IGSF11: variants seen among roughly 807,000 people sequenced by gnomAD.
IGSF11 encodes the protein CXADR like 1.
IGSF11 carries 22 observed loss-of-function variants against 41.0 expected under a neutral mutation model. The observed-to-expected ratio is 0.54, with a 90% CI of 0.38 to 0.77. The LOEUF (loss-of-function observed/expected upper bound fraction) is 0.77. IGSF11 is among the 30% of genes least tolerant of loss of function. The probability of loss-of-function intolerance (pLI) is 0.00; values close to 1 mark genes in which losing one functional copy is unlikely to be tolerated. For missense variants in IGSF11, 444 were observed against 530.8 expected (o/e 0.84, Z 1.61); for synonymous variants, 219 against 201.3 (o/e 1.09, Z -0.74).
chr3:118,984,710 G>T (rs1025778979), intron 1 of IGSF11, among the ~76,000 whole-genome samples: 2 of 151,968 alleles, frequency 1.3e-5, no homozygotes, highest in Non-Finnish European at 2.9e-5. Context: ...AGAAAGTAAA[G>T]GAATAAATCA....
chr3:119,014,318 CAGGCA>C (rs1241403731), intron 1 of IGSF11, among the ~76,000 whole-genome samples: 19 of 152,296 alleles, frequency 1.2e-4, no homozygotes, highest in African/African-American at 4.6e-4. Flanking sequence ...AAGGTAGCTA[CAGGCA>C]ATGTATCCAA....
intron 1 of IGSF11, among the ~76,000 whole-genome samples, chr3:119,072,060 T>C (rs1475562342): frequency 1.3e-5 from 2 of 152,200 alleles, no homozygotes; most frequent in African/African-American, 2.4e-5. Context: ...TAGGAGAATA[T>C]TCCAAGAAAA....
intron 1 of IGSF11, among the ~76,000 whole-genome samples, chr3:119,143,762 G>T (rs2077680135): frequency 6.6e-6 from 1 of 151,984 alleles, no homozygotes; most frequent in Non-Finnish European, 1.5e-5. Flanking sequence ...ATACAACTAG[G>T]GAAAAAGATA....
chr3:119,033,283 G>C (rs947809942), intron 1 of IGSF11, among the ~76,000 whole-genome samples: 1 of 152,086 alleles, frequency 6.6e-6, no homozygotes, highest in African/African-American at 2.4e-5. Context: ...ATAAAAAGCC[G>C]ATTTACTCTC....
intron 1 of IGSF11, among the ~76,000 whole-genome samples, chr3:119,053,919 G>A (rs1393497490): frequency 6.6e-6 from 1 of 152,082 alleles, no homozygotes; most frequent in Non-Finnish European, 1.5e-5. Flanking sequence ...AGTGGGGAAA[G>A]GACCCCCTAT....
chr3:118,941,499 ACTCT>A (rs1449658841), intron 1 of IGSF11, among the ~76,000 whole-genome samples: 1 of 152,172 alleles, frequency 6.6e-6, no homozygotes, highest in Non-Finnish European at 1.5e-5. Context: ...AGAACAACTA[ACTCT>A]CATACATTTC....
At chr3:118,909,739 T>C (rs1400643448) in intron 4 of IGSF11, among the ~76,000 whole-genome samples, 1 of 152,256 alleles carries the variant, frequency 6.6e-6, no homozygotes, top group Non-Finnish European at 1.5e-5. Context: ...GCCCTGATTT[T>C]GGTTTGGCAT....
intron 4 of IGSF11, among the ~76,000 whole-genome samples, chr3:118,923,860 A>G (rs1378631195): frequency 6.6e-6 from 1 of 152,214 alleles, no homozygotes; most frequent in Non-Finnish European, 1.5e-5. Flanking sequence ...GGTACGTGAT[A>G]GCAGTTTGTC....
intron 1 of IGSF11, among the ~76,000 whole-genome samples, chr3:119,095,886 T>G (rs2076841301): frequency 6.6e-6 from 1 of 152,212 alleles, no homozygotes. Context: ...GCTTTCATTC[T>G]TGGTATACCC....
chr3:119,080,738 C>A (rs2076573154), intron 1 of IGSF11, among the ~76,000 whole-genome samples: 2 of 152,036 alleles, frequency 1.3e-5, no homozygotes, highest in South Asian at 2.1e-4. Flanking sequence ...AAGAAAGAAC[C>A]AAAGAGCACA....
chr3:119,044,701 G>C (rs773534033), intron 1 of IGSF11, among the ~76,000 whole-genome samples: 23 of 152,200 alleles, frequency 1.5e-4, no homozygotes, highest in Admixed American at 2.6e-4. Context: ...AAAGCTATCA[G>C]ACTAACACCA....
At chr3:119,113,014 C>G (rs1277533060) in intron 1 of IGSF11, among the ~76,000 whole-genome samples, 1 of 152,160 alleles carries the variant, frequency 6.6e-6, no homozygotes, top group Admixed American at 6.5e-5. Flanking sequence ...AGGTGCTACA[C>G]ACTTTTAAAC....
In IGSF11 at chr3:119,008,268, T is replaced by C. The variant is rs533599097; in HGVS notation, c.52+26263A>G. 2.6e-5 allele frequency among the ~76,000 whole-genome samples: 4 copies of C among 152,326 alleles called. No homozygotes were observed. In the South Asian group the frequency reaches 6.2e-4, roughly 24 times the overall value. ...TCTAAAATAGAAGTCAACGGGAATA[T>C]ACCAAGAGATCATCCAAAACCCATT... On this transcript the variant is annotated intron_variant, in intron 1 of 6. Coordinates refer to ENST00000393775, the MANE Select transcript of IGSF11 (RefSeq NM_001015887.3).
At chr3:118,938,554 G>A (rs1943452514) in intron 1 of IGSF11, among the ~76,000 whole-genome samples, 1 of 152,200 alleles carries the variant, frequency 6.6e-6, no homozygotes, top group South Asian at 2.1e-4. Context: ...AGGCTTTGCA[G>A]TGTTATGATG....
At chr3:119,072,616 T>C (rs2076418227) in intron 1 of IGSF11, among the ~76,000 whole-genome samples, 6 of 152,150 alleles carry the variant, frequency 3.9e-5, no homozygotes, top group Admixed American at 3.9e-4. Flanking sequence ...TCGTGGTAAG[T>C]GTTACAGCTC....
chr3:119,023,360 T>C (rs1939500222), intron 1 of IGSF11, among the ~76,000 whole-genome samples: 1 of 151,414 alleles, frequency 6.6e-6, no homozygotes, highest in South Asian at 2.1e-4. Context: ...AATTCAATGC[T>C]TTTCAAGATG....
At chr3:119,089,817 G>C (rs2076733925) in intron 1 of IGSF11, among the ~76,000 whole-genome samples, 1 of 152,172 alleles carries the variant, frequency 6.6e-6, no homozygotes, top group African/African-American at 2.4e-5. Context: ...CTGAGATTGA[G>C]AGTTCGAGAC....
At chr3:119,069,974 T>C (rs747378686) in intron 1 of IGSF11, among the ~76,000 whole-genome samples, 5 of 152,230 alleles carry the variant, frequency 3.3e-5, no homozygotes, top group East Asian at 1.9e-4. Context: ...GTAACATCTG[T>C]TGAGCCCCTA....
upstream of IGSF11, among the ~76,000 whole-genome samples, chr3:119,035,883 G>A (rs1223621305): frequency 6.6e-6 from 1 of 152,060 alleles, no homozygotes; most frequent in African/African-American, 2.4e-5. Context: ...TAGGGTTCTC[G>A]GAGCCATTCA....
Sources: gnomAD v4.1 joint callset for allele counts (sites outside exome capture counted in the v4.1 genomes callset) on GRCh38, gnomAD v4.1.1 for gene constraint, MANE v1.5 for transcripts, NCBI Gene and HGNC (gene_info 2026-07-23, HGNC 2026-07-21) for gene names.